FBXO11: variants seen among roughly 807,000 people sequenced by gnomAD.
The protein encoded by FBXO11 is F-box only protein 11.
Under a neutral mutation model 117.0 loss-of-function variants are expected in FBXO11, and 13 were observed. The observed-to-expected ratio is 0.11, with a 90% confidence interval of 0.07 to 0.18. FBXO11 has a LOEUF of 0.18. Ranked by LOEUF, FBXO11 falls within the 10% of genes least tolerant of loss-of-function variation. FBXO11 has a pLI of 1.00. For synonymous variants in FBXO11, 490 were observed against 380.5 expected, an observed-to-expected ratio of 1.29 and a Z score of -3.35; for missense variants, 767 against 1,164.4, an observed-to-expected ratio of 0.66 and a Z score of 4.97.
At chr2:47,897,723 GAAAAGAA>G (rs1677787330) in intron 1 of FBXO11, among the ~76,000 whole-genome samples, 1 of 141,136 alleles carries the variant, frequency 7.1e-6, no homozygotes, top group Non-Finnish European at 1.6e-5. Flanking sequence ...AAAAAAAAAG[GAAAAGAA>G]AAAAGAAAAA....
intron 1 of FBXO11, among the ~76,000 whole-genome samples, chr2:47,869,417 TA>T (rs1429099649): frequency 7.2e-5 from 11 of 152,342 alleles, no homozygotes; most frequent in Admixed American, 7.2e-4. Flanking sequence ...AAGCGGTAAC[TA>T]ACTCTACAAT....
intron 1 of FBXO11, among the ~76,000 whole-genome samples, chr2:47,860,244 G>A (rs1674654091): frequency 6.6e-6 from 1 of 152,048 alleles, no homozygotes; most frequent in South Asian, 2.1e-4. Flanking sequence ...TTTTATCACT[G>A]TGCCCTGACT....
chr2:47,875,478 T>G (rs1026677539), intron 1 of FBXO11, among the ~76,000 whole-genome samples: 10 of 141,066 alleles, frequency 7.1e-5, no homozygotes, highest in African/African-American at 2.7e-4. Flanking sequence ...TTCTAGGAGA[T>G]TCTGTCATTC....
intron 1 of FBXO11, 173 bp downstream of exon 1, chr2:47,905,316 C>T: frequency 5.2e-6 from 3 of 580,178 alleles, no homozygotes; most frequent in Non-Finnish European, 7.1e-6. Flanking sequence ...TCCTGCCGGC[C>T]GGGCCCGGCC....
intron 1 of FBXO11, among the ~76,000 whole-genome samples, chr2:47,853,659 A>G (rs966087246): frequency 6.6e-6 from 1 of 152,212 alleles, no homozygotes; most frequent in African/African-American, 2.4e-5. Flanking sequence ...CAGTTCATCT[A>G]TAAAATGGAG....
intron 18 of FBXO11, chr2:47,812,862 A>T: frequency 3.9e-6 from 1 of 254,008 alleles, no homozygotes; most frequent in Non-Finnish European, 7.7e-6. Flanking sequence ...CAAAAGCAAT[A>T]CCCGTTTACT....
In FBXO11 at chr2:47,807,625, G is replaced by C. The variant is rs147067367; in HGVS notation, c.*493C>G. 9.0e-5 allele frequency: 20 copies of C among 221,660 alleles called. No individual in the cohort carries two copies. Among genetic ancestry groups the C allele is most frequent in the African/African-American group, 4.3e-4 (19 of 44,300 alleles). The allele number at this position is 221,660 out of a possible 1,614,324, so 13.7% of individuals were successfully genotyped here. On this transcript the variant is annotated 3_prime_UTR_variant, in exon 23 of 23. Transcript: ENST00000403359. ...TTGAAATTAAAAACAAACTACATGAGATTAAAGCATTAAAATCATATTTCT... is the reference window on the plus strand; with the variant it reads ...TTGAAATTAAAAACAAACTACATGACATTAAAGCATTAAAATCATATTTCT...
intron 1 of FBXO11, among the ~76,000 whole-genome samples, chr2:47,872,326 T>C (rs1007347484): frequency 1.3e-5 from 2 of 152,218 alleles, no homozygotes; most frequent in Non-Finnish European, 2.9e-5. Context: ...TTTTCATTAT[T>C]GTATAATTTG....
In FBXO11 at chr2:47,905,562, C is replaced by T; in HGVS notation, c.159G>A (p.Gln53=). 1 of 1,253,514 alleles carries T rather than the reference C, an allele frequency of 8.0e-7. No individual in the cohort carries two copies. Among genetic ancestry groups the T allele is most frequent in the African/African-American group, 1.6e-5 (1 of 63,808 alleles). The allele number at this position is 1,253,514 out of a possible 1,614,324, so 77.6% of individuals were successfully genotyped here. A position where few individuals can be genotyped will look rare whatever the true frequency, so the allele number is the denominator to read the frequency against. ...QQPPPPPQQQ[Q]QQQPPPPPPP... ...GTGGCGGCGGCGGAGGCTGCTGCTG[C>T]TGCTGCTGCTGCGGCGGCGGCGGAG... Residue 53 remains glutamine (Q), a synonymous_variant, in exon 1 of 23, where the codon CAG becomes CAA. Coordinates refer to ENST00000403359, the MANE Select transcript of FBXO11 (RefSeq NM_001190274.2).
Position 47,806,933 on chromosome 2 carries a change from A to G in FBXO11, c.*1185T>C. The stretch of plus-strand genomic sequence containing the variant: ...ATTCAGACAACATTATGATCTAATA[A>G]ACTTTATTTTTTAAAAATGACCATT... On this transcript the variant is annotated 3_prime_UTR_variant, in exon 23 of 23. Transcript: ENST00000403359. The G allele has an allele frequency of 8.7e-7, 1 of 1,146,424 alleles. No homozygotes were observed. The highest frequency in any genetic ancestry group is 1.3e-6 in the Non-Finnish European group (1 of 770,626). The allele number at this position is 1,146,424 out of a possible 1,614,324, so 71.0% of individuals were successfully genotyped here. A position where few individuals can be genotyped will look rare whatever the true frequency, so the allele number is the denominator to read the frequency against.
intron 1 of FBXO11, among the ~76,000 whole-genome samples, chr2:47,885,749 A>G (rs144154604): frequency 1.3e-5 from 2 of 152,224 alleles, no homozygotes; most frequent in African/African-American, 2.4e-5. Flanking sequence ...ATGCCAACAT[A>G]AAGTGAACCA....
rs138040622 is a variant in FBXO11, at chr2:47,824,965, A to G, written c.1399-1605T>C. Among the ~76,000 whole-genome samples the G allele has an allele frequency of 5.9e-5, 9 of 152,224 alleles. No homozygotes were observed. The East Asian group carries it at 1.3e-3, about 23-fold the overall frequency. On this transcript the variant is annotated intron_variant, in intron 11 of 22. Coordinates refer to ENST00000403359, the MANE Select transcript of FBXO11 (RefSeq NM_001190274.2). ...TCATGTTACTTCCATGTATTGCCTT[A>G]TATTATTTCGATATTTATATATGTC... is the stretch of plus-strand genomic sequence containing the variant.
chr2:47,833,489 C>T lies in FBXO11; in HGVS notation c.935-419G>A, dbSNP rs988964975. On this transcript the variant is annotated intron_variant, in intron 7 of 22. Coordinates refer to ENST00000403359, the MANE Select transcript of FBXO11 (RefSeq NM_001190274.2). Reference sequence around the variant, plus strand: ...ACAAACATTTGCTCTAATCTATTCTCCCCATCTTCATGAGGAGATAGAGGA... The same window carrying T: ...ACAAACATTTGCTCTAATCTATTCTTCCCATCTTCATGAGGAGATAGAGGA... 3.3e-5 allele frequency among the ~76,000 whole-genome samples: 5 copies of T among 152,212 alleles called. No homozygotes were observed. In the East Asian group the frequency reaches 9.7e-4, roughly 29 times the overall value.
intron 1 of FBXO11, among the ~76,000 whole-genome samples, chr2:47,886,014 T>A (rs549974141): frequency 7.5e-6 from 1 of 132,548 alleles, no homozygotes; most frequent in Non-Finnish European, 1.8e-5. Flanking sequence ...CTTAACCTCA[T>A]GCATTAATGA....
At chr2:47,892,429 G>T (rs1677325214) in intron 1 of FBXO11, among the ~76,000 whole-genome samples, 1 of 152,138 alleles carries the variant, frequency 6.6e-6, no homozygotes, top group African/African-American at 2.4e-5. Flanking sequence ...TAAAACCAGG[G>T]ACTTAACTTT....
At chr2:47,848,550 T>G (rs1673598373) in intron 1 of FBXO11, among the ~76,000 whole-genome samples, 1 of 152,206 alleles carries the variant, frequency 6.6e-6, no homozygotes, top group African/African-American at 2.4e-5. Flanking sequence ...GATAAAAAGT[T>G]AATACGCAAT....
intron 1 of FBXO11, among the ~76,000 whole-genome samples, chr2:47,897,639 G>C (rs1677774763): frequency 6.9e-6 from 1 of 145,534 alleles, no homozygotes; most frequent in Non-Finnish European, 1.5e-5. Context: ...AGAGGTTGCA[G>C]TGAGCCAAGA....
At chr2:47,826,959 G>C (rs1671800450) in intron 11 of FBXO11, among the ~76,000 whole-genome samples, 1 of 152,104 alleles carries the variant, frequency 6.6e-6, no homozygotes, top group African/African-American at 2.4e-5. Context: ...CAGCTTTATT[G>C]GAGCTTTAAC....
intron 1 of FBXO11, among the ~76,000 whole-genome samples, chr2:47,869,445 T>C (rs1011054631): frequency 7.2e-5 from 11 of 152,162 alleles, no homozygotes; most frequent in Non-Finnish European, 1.6e-4. Context: ...AAGGAAAAGT[T>C]ATATCTGAAA....
Sources: allele counts gnomAD v4.1 joint callset (sites outside exome capture counted in the v4.1 genomes callset), GRCh38; gene constraint gnomAD v4.1.1; transcripts MANE v1.5; gene names NCBI Gene and HGNC (gene_info 2026-07-23, HGNC 2026-07-21).